Variants in RHAG observed in about 807,000 individuals in gnomAD.
RHAG encodes the protein ammonium transporter Rh type A.
RHAG carries 25 observed loss-of-function variants against 42.4 expected under a neutral mutation model. That is an observed-to-expected ratio of 0.59 (90% CI 0.43 to 0.82). The LOEUF (loss-of-function observed/expected upper bound fraction) is 0.82, where lower values mean the gene tolerates loss of function less well. Ranked by LOEUF, RHAG falls within the 40% of genes least tolerant of loss-of-function variation. The probability of loss-of-function intolerance (pLI) is 0.00; values close to 1 mark genes in which losing one functional copy is unlikely to be tolerated. For missense variants in RHAG, 483 were observed against 504.6 expected, an observed-to-expected ratio of 0.96 and a Z score of 0.41; for synonymous variants, 182 against 177.7, an observed-to-expected ratio of 1.02 and a Z score of -0.19.
chr6:49,612,052 A>G (rs933260023), intron 6 of RHAG, among the ~76,000 whole-genome samples: 1 of 152,108 alleles, frequency 6.6e-6, no homozygotes, highest in Admixed American at 6.6e-5. Context: ...CTTGGCCGAC[A>G]TCCTAAATCT....
At chr6:49,624,532 T>G (rs1468661389) in intron 1 of RHAG, among the ~76,000 whole-genome samples, 1 of 152,338 alleles carries the variant, frequency 6.6e-6, no homozygotes, top group African/African-American at 2.4e-5. Flanking sequence ...GGCATCACAC[T>G]GATCAAAGAC....
chr6:49,617,611 G>T (rs529278953), intron 3 of RHAG, among the ~76,000 whole-genome samples: 1,804 of 152,144 alleles, frequency 0.012, 27 homozygotes, highest in African/African-American at 0.04. Context: ...ATTATTCCTG[G>T]GGGGAATCAA....
At chr6:49,629,775 G>A (rs948970525) in intron 1 of RHAG, among the ~76,000 whole-genome samples, 23 of 152,216 alleles carry the variant, frequency 1.5e-4, no homozygotes, top group East Asian at 9.7e-4. Context: ...TACACCCTCC[G>A]CAGCCGCTGG....
chr6:49,605,885 G>T (rs1478374687), intron 9 of RHAG, 55 bp from the exon 10 acceptor site: 5 of 1,400,926 alleles, frequency 3.6e-6, no homozygotes, highest in Admixed American at 1.7e-5. Flanking sequence ...GTTCTTGTCA[G>T]AAATTAGTAT....
chr6:49,629,245 G>A (rs967370868), intron 1 of RHAG, among the ~76,000 whole-genome samples: 1 of 151,900 alleles, frequency 6.6e-6, no homozygotes, highest in African/African-American at 2.4e-5. Flanking sequence ...ACAGAGTGCC[G>A]ATTGGTGTAT....
In RHAG at chr6:49,614,851, T is replaced by A. The variant is rs772838896; in HGVS notation, c.643A>T (p.Thr215Ser). 4 of 1,614,014 alleles carry A rather than the reference T, an allele frequency of 2.5e-6. No homozygotes were observed. The highest frequency in any genetic ancestry group is 3.3e-5 in the Admixed American group (2 of 60,012). The change falls in exon 5 of 10, where the codon ACT (threonine) becomes TCT (serine). Residue 215 changes from threonine (T) to serine (S), a missense_variant and splice_region_variant. Coordinates refer to ENST00000371175, the MANE Select transcript of RHAG (RefSeq NM_000324.3). ...YYSDLFAMIGTLFLWMFWPSF... is the reference protein window; with the variant it reads ...YYSDLFAMIGSLFLWMFWPSF... ...GGCCAAAACATCCACAGAAAGAGAG[T>A]CCCTGTAGTGAACCAAAAGAGGGGA... is the stretch of plus-strand genomic sequence containing the variant.
chr6:49,625,937 AC>A (rs1231449498), intron 1 of RHAG, among the ~76,000 whole-genome samples: 2 of 152,120 alleles, frequency 1.3e-5, no homozygotes, highest in Non-Finnish European at 2.9e-5. Flanking sequence ...CCTTTATAAA[AC>A]CATCAGCTCT....
chr6:49,614,413 G>C (rs1176153856), intron 5 of RHAG, among the ~76,000 whole-genome samples: 1 of 151,780 alleles, frequency 6.6e-6, no homozygotes, highest in African/African-American at 2.4e-5. Flanking sequence ...TGTTGGCCAG[G>C]CTTGTCTTGA....
chr6:49,618,631 C>A (rs967538524), intron 2 of RHAG, among the ~76,000 whole-genome samples: 1 of 152,098 alleles, frequency 6.6e-6, no homozygotes, highest in Non-Finnish European at 1.5e-5. Context: ...AGAGAGGTTA[C>A]AGACATGAAT....
intron 1 of RHAG, among the ~76,000 whole-genome samples, chr6:49,636,227 C>G (rs1336829145): frequency 2.0e-5 from 3 of 151,918 alleles, no homozygotes; most frequent in Non-Finnish European, 4.4e-5. Flanking sequence ...CTTCTTATTC[C>G]TTAGGGTCCT....
At chr6:49,635,304 A>G (rs966191296) in intron 1 of RHAG, among the ~76,000 whole-genome samples, 2 of 152,070 alleles carry the variant, frequency 1.3e-5, no homozygotes, top group South Asian at 4.1e-4. Context: ...TATTTAAATC[A>G]TATTAATCTT....
At chr6:49,616,174 G>A (rs560653333) in intron 3 of RHAG, among the ~76,000 whole-genome samples, 2 of 152,162 alleles carry the variant, frequency 1.3e-5, no homozygotes, top group East Asian at 3.9e-4. Context: ...CTAGGTGATG[G>A]AGATTTTGAG....
intron 6 of RHAG, 64 bp downstream of exon 6, chr6:49,612,333 G>A: frequency 1.3e-6 from 2 of 1,542,544 alleles, no homozygotes; most frequent in Non-Finnish European, 1.8e-6. Flanking sequence ...TTTTTCTGCT[G>A]GTGGGACATG....
At chr6:49,632,661 A>G (rs890383886) in intron 1 of RHAG, among the ~76,000 whole-genome samples, 1 of 152,198 alleles carries the variant, frequency 6.6e-6, no homozygotes, top group African/African-American at 2.4e-5. Flanking sequence ...TGAGCCAATC[A>G]AAGTACAGGA....
intron 5 of RHAG, among the ~76,000 whole-genome samples, chr6:49,612,925 C>T (rs1408046703): frequency 1.3e-5 from 2 of 152,110 alleles, no homozygotes; most frequent in African/African-American, 4.8e-5. Flanking sequence ...ACTATGGCCA[C>T]CGTGTGTTTT....
At chr6:49,632,236 T>C (rs147669562) in intron 1 of RHAG, 135 of 152,298 alleles carry the variant, frequency 8.9e-4, no homozygotes, top group African/African-American at 3.0e-3. Flanking sequence ...CTGTGATTGA[T>C]TGAGTTGCTA....
intron 1 of RHAG, 92 bp from the exon 2 acceptor site, chr6:49,619,454 CT>C: frequency 8.9e-7 from 1 of 1,125,512 alleles, no homozygotes. Context: ...GTGCTACCAC[CT>C]TTGTATAACA....
chr6:49,612,542 A>G lies in RHAG; in HGVS notation c.808-8T>C. Reference sequence around the variant, plus strand: ...GGCATTCTGAATGTGAACCTGTGTGAGCGGCAGAAACATAAATGAGGTGAG... The same window carrying G: ...GGCATTCTGAATGTGAACCTGTGTGGGCGGCAGAAACATAAATGAGGTGAG... On this transcript the variant is annotated splice_polypyrimidine_tract_variant and splice_region_variant and intron_variant, in intron 5 of 9. Transcript: ENST00000371175. 6.2e-7 allele frequency: 1 copy of G among 1,614,000 alleles called. No homozygotes were observed.
At chr6:49,619,523 G>T (rs575475518) in intron 1 of RHAG, among the ~76,000 whole-genome samples, 161 bp from the exon 2 acceptor site, 1 of 152,324 alleles carries the variant, frequency 6.6e-6, no homozygotes, top group East Asian at 1.9e-4. Context: ...ATGCCAGCTT[G>T]ACTACTTACT....
Sources: allele counts gnomAD v4.1 joint callset (sites outside exome capture counted in the v4.1 genomes callset), GRCh38; gene constraint gnomAD v4.1.1; transcripts MANE v1.5; gene names NCBI Gene and HGNC (gene_info 2026-07-23, HGNC 2026-07-21).